C1QTNF7: variants seen among roughly 807,000 people sequenced by gnomAD.
C1QTNF7 encodes C1q and TNF related 7, also known as complement C1q tumor necrosis factor-related protein 7.
Under a neutral mutation model 19.6 loss-of-function variants are expected in C1QTNF7, and 15 were observed. The observed-to-expected ratio is 0.76, with a 90% CI of 0.51 to 1.18. The LOEUF is 1.18. C1QTNF7 is among the 50% of genes most tolerant of loss of function. The probability of loss-of-function intolerance (pLI) is 0.00; values close to 1 mark genes in which losing one functional copy is unlikely to be tolerated. For missense variants in C1QTNF7, 324 were observed against 359.7 expected, an observed-to-expected ratio of 0.90 and a Z score of 0.80; for synonymous variants, 142 against 137.5, an observed-to-expected ratio of 1.03 and a Z score of -0.23.
chr4:15,340,154 C>A, exon 1 of C1QTNF7: 1 of 1,551,066 alleles, frequency 6.4e-7, no homozygotes, highest in Non-Finnish European at 8.7e-7. Flanking sequence ...ACAACCAAAG[C>A]AAGAAAGCCT....
intron 1 of C1QTNF7, among the ~76,000 whole-genome samples, chr4:15,382,189 C>G (rs568941299): frequency 6.6e-6 from 1 of 152,162 alleles, no homozygotes; most frequent in Non-Finnish European, 1.5e-5. Flanking sequence ...CTCATCTTAA[C>G]CCGTGAAGCC....
At chr4:15,410,853 A>C (rs1480409531) in intron 1 of C1QTNF7, among the ~76,000 whole-genome samples, 2 of 152,350 alleles carry the variant, frequency 1.3e-5, no homozygotes, top group East Asian at 3.9e-4. Flanking sequence ...AATCTACCAG[A>C]GACATACAGA....
intron 1 of C1QTNF7, among the ~76,000 whole-genome samples, chr4:15,401,069 AC>A (rs1283131419): frequency 3.9e-5 from 6 of 152,220 alleles, no homozygotes; most frequent in Non-Finnish European, 7.3e-5. Flanking sequence ...TAGCGGGCGC[AC>A]CCCAGTGCTG....
At chr4:15,360,310 C>T (rs1717291647) in intron 1 of C1QTNF7, among the ~76,000 whole-genome samples, 1 of 152,100 alleles carries the variant, frequency 6.6e-6, no homozygotes, top group African/African-American at 2.4e-5. Context: ...GAATTTGAAC[C>T]ATTGCTCCTA....
chr4:15,444,858 G>A lies in C1QTNF7; in HGVS notation c.*2059G>A, dbSNP rs1712934160. 1 of 152,198 alleles carries A rather than the reference G, an allele frequency of 6.6e-6. No individual in the cohort carries two copies. The highest frequency in any genetic ancestry group is 1.5e-5 in the Non-Finnish European group (1 of 68,050). 9.4% of individuals were successfully genotyped at this position (152,198 alleles called of 1,614,324 possible). On this transcript the variant is annotated 3_prime_UTR_variant, in exon 3 of 3. Transcript: ENST00000444304. Reference sequence around the variant, plus strand: ...CGAAGTGAGAACAGAGACCCAGAAGGAGAATCAATGGACCATATTTGTAAG... The same window carrying A: ...CGAAGTGAGAACAGAGACCCAGAAGAAGAATCAATGGACCATATTTGTAAG...
Position 15,442,564 on chromosome 4 carries a change from A to C in C1QTNF7, c.635A>C (p.His212Pro). ...ANKHLAIGLV[H>P]NGQYRIKTFD... ...AAGCATCTGGCAATCGGACTGGTAC[A>C]CAATGGGCAATACCGGATAAAGACC... Residue 212 changes from histidine (H) to proline (P), a missense_variant, in exon 3 of 3, where the codon CAC becomes CCC. Coordinates refer to ENST00000444304, the MANE Select transcript of C1QTNF7 (RefSeq NM_031911.5). 6.2e-7 allele frequency: 1 copy of C among 1,614,244 alleles called. No homozygotes were observed. The highest frequency in any genetic ancestry group is 8.5e-7 in the Non-Finnish European group (1 of 1,180,048).
intron 1 of C1QTNF7, among the ~76,000 whole-genome samples, chr4:15,370,838 A>G (rs1439836520): frequency 6.6e-6 from 1 of 152,210 alleles, no homozygotes; most frequent in African/African-American, 2.4e-5. Flanking sequence ...TTGGCCCTCC[A>G]AACAATTTTG....
chr4:15,355,111 T>C (rs1717088263), intron 1 of C1QTNF7, among the ~76,000 whole-genome samples: 1 of 152,104 alleles, frequency 6.6e-6, no homozygotes, highest in South Asian at 2.1e-4. Flanking sequence ...CTTGCTCAGT[T>C]GCAGAATAGC....
intron 1 of C1QTNF7, among the ~76,000 whole-genome samples, chr4:15,393,123 A>G (rs552076109): frequency 6.6e-6 from 1 of 152,306 alleles, no homozygotes; most frequent in South Asian, 2.1e-4. Flanking sequence ...TGATGGTTTT[A>G]TAAGGGGAAA....
intron 1 of C1QTNF7, chr4:15,358,611 T>A (rs1486167954): frequency 6.6e-6 from 1 of 152,172 alleles, no homozygotes; most frequent in African/African-American, 2.4e-5. Flanking sequence ...TTTTTAAGGA[T>A]CAATTAAAGT....
intron 1 of C1QTNF7, among the ~76,000 whole-genome samples, chr4:15,421,885 A>T (rs1473112822): frequency 1.3e-5 from 2 of 152,236 alleles, no homozygotes; most frequent in South Asian, 2.1e-4. Context: ...AACATGCAAC[A>T]TGAATGACTC....
intron 2 of C1QTNF7, among the ~76,000 whole-genome samples, chr4:15,437,501 ATAAAC>A (rs1712583746): frequency 6.6e-6 from 1 of 152,214 alleles, no homozygotes; most frequent in Non-Finnish European, 1.5e-5. Flanking sequence ...AAGCCATATA[ATAAAC>A]TAGACATTGG....
At chr4:15,391,042 G>C (rs1483823828) in intron 1 of C1QTNF7, among the ~76,000 whole-genome samples, 1 of 151,948 alleles carries the variant, frequency 6.6e-6, no homozygotes, top group African/African-American at 2.4e-5. Flanking sequence ...AATGGGGAAG[G>C]GTGCTTTTGA....
chr4:15,373,775 C>G (rs1717819168), intron 1 of C1QTNF7: 1 of 152,212 alleles, frequency 6.6e-6, no homozygotes, highest in East Asian at 1.9e-4. Context: ...TATTCTATCT[C>G]ATTTCCTGGC....
intron 2 of C1QTNF7, among the ~76,000 whole-genome samples, chr4:15,441,937 C>G (rs1712774408): frequency 6.6e-6 from 1 of 152,126 alleles, no homozygotes; most frequent in African/African-American, 2.4e-5. Flanking sequence ...AGGAGAATTG[C>G]TTGAACCCGG....
intron 1 of C1QTNF7, chr4:15,374,509 C>T: frequency 1.1e-6 from 1 of 950,894 alleles, no homozygotes; most frequent in Non-Finnish European, 1.3e-6. Context: ...TTCTTTCGGG[C>T]TCGATCAAAC....
At chr4:15,415,744 A>C (rs10212844) in intron 1 of C1QTNF7, among the ~76,000 whole-genome samples, 55,606 of 151,718 alleles carry the variant, frequency 0.37, 10,399 homozygotes, top group East Asian at 0.55. Context: ...GGCTTGAGCA[A>C]CTGGCCTGTA....
At chr4:15,383,508 C>T (rs1718223491) in intron 1 of C1QTNF7, among the ~76,000 whole-genome samples, 1 of 152,228 alleles carries the variant, frequency 6.6e-6, no homozygotes, top group South Asian at 2.1e-4. Context: ...TTATATCCTC[C>T]ATTGTCCGGT....
At chr4:15,391,844 A>G (rs1313048107) in intron 1 of C1QTNF7, among the ~76,000 whole-genome samples, 2 of 152,214 alleles carry the variant, frequency 1.3e-5, no homozygotes, top group African/African-American at 2.4e-5. Flanking sequence ...ACAAGCAGGA[A>G]GAAGCACCAC....
Sources: gnomAD v4.1 joint callset for allele counts (sites outside exome capture counted in the v4.1 genomes callset) on GRCh38, gnomAD v4.1.1 for gene constraint, MANE v1.5 for transcripts, NCBI Gene and HGNC (gene_info 2026-07-23, HGNC 2026-07-21) for gene names.